AFF2: variants seen among roughly 807,000 people sequenced by gnomAD.
AFF2 encodes ALF transcription elongation factor 2.
Under a neutral mutation model 76.9 loss-of-function variants are expected in AFF2, and 14 were observed. The ratio of observed to expected loss-of-function variants is 0.18; its 90% confidence interval spans 0.12 to 0.28. The LOEUF (loss-of-function observed/expected upper bound fraction) is 0.28, where lower values mean the gene tolerates loss of function less well. Among genes scored for constraint, AFF2 ranks in the 10% least tolerant of loss-of-function variants. The probability of loss-of-function intolerance (pLI) is 1.00; values close to 1 mark genes in which losing one functional copy is unlikely to be tolerated. For synonymous variants in AFF2, 398 were observed against 366.7 expected, an observed-to-expected ratio of 1.09 and a Z score of -0.98; for missense variants, 868 against 1,001.1, an observed-to-expected ratio of 0.87 and a Z score of 1.79.
intron 15 of AFF2, among the ~76,000 whole-genome samples, chrX:148,971,548 C>T (rs1382832116): frequency 9.6e-6 from 1 of 104,229 alleles, no homozygotes; most frequent in African/African-American, 3.6e-5. Context: ...CTGGAGGGGA[C>T]AGACCCTTAG....
At chrX:148,602,798 G>T (rs2053638415) in intron 1 of AFF2, among the ~76,000 whole-genome samples, 1 of 98,830 alleles carries the variant, frequency 1.0e-5, no homozygotes, top group Non-Finnish European at 2.0e-5. Flanking sequence ...TCTGTAAAAG[G>T]TGAATAATAG....
chrX:148,810,021 T>C, intron 4 of AFF2, 101 bp downstream of exon 4: 1 of 819,276 alleles, frequency 1.2e-6, no homozygotes, highest in Non-Finnish European at 1.8e-6. Context: ...AGTTTCATGA[T>C]GGGGAATCCT....
chrX:148,835,360 G>GA (rs1557273672), intron 4 of AFF2, among the ~76,000 whole-genome samples: 1 of 110,393 alleles, frequency 9.1e-6, no homozygotes. Context: ...TTTATTTTGA[G>GA]AAAAAAATTA....
intron 1 of AFF2, among the ~76,000 whole-genome samples, chrX:148,572,913 A>G (rs2053246695): frequency 9.0e-6 from 1 of 111,186 alleles, no homozygotes; most frequent in South Asian, 3.7e-4. Flanking sequence ...TCTATGAATT[A>G]TATCTCAGGA....
Position 148,991,750 on chromosome X carries a change from T to C in AFF2, c.*418T>C, listed in dbSNP as rs782475112. 6.2e-5 allele frequency: 7 copies of C among 113,666 alleles called. No homozygotes were observed. The highest frequency in any genetic ancestry group is 1.6e-4 in the African/African-American group (5 of 30,915). The allele number at this position is 113,666 out of a possible 1,213,427, so 9.4% of individuals were successfully genotyped here. On this transcript the variant is annotated 3_prime_UTR_variant, in exon 21 of 21. Coordinates refer to ENST00000370460, the MANE Select transcript of AFF2 (RefSeq NM_002025.4). ...ACACAAGGGACCATCCCCCAAACTCTACTCTTATACCCAGAAAAGAACATA... is the reference window on the plus strand; with the variant it reads ...ACACAAGGGACCATCCCCCAAACTCCACTCTTATACCCAGAAAAGAACATA...
At chrX:148,943,613 A>T (rs1557285845) in intron 9 of AFF2, among the ~76,000 whole-genome samples, 1 of 111,665 alleles carries the variant, frequency 9.0e-6, no homozygotes, top group African/African-American at 3.3e-5. Flanking sequence ...TTGCTTGAAA[A>T]CTATCAAGTG....
intron 6 of AFF2, 127 bp downstream of exon 6, chrX:148,843,129 G>T: frequency 1.8e-6 from 1 of 565,258 alleles, no homozygotes; most frequent in South Asian, 4.2e-5. Context: ...TATTTTAATT[G>T]TTAATTTTTA....
At chrX:148,708,320 C>G (rs2054911654) in intron 3 of AFF2, among the ~76,000 whole-genome samples, 1 of 111,692 alleles carries the variant, frequency 9.0e-6, no homozygotes, top group Non-Finnish European at 1.9e-5. Context: ...TTTAAGCTGC[C>G]TCCTGTCACT....
Position 148,715,839 on chromosome X carries a change from T to C in AFF2, c.1041+53071T>C, listed in dbSNP as rs1343890239. On this transcript the variant is annotated intron_variant, in intron 3 of 20. Transcript: ENST00000370460. ...ACAGGAAATGATGATCCCATACATT[T>C]AAAATGTTTTAATTACTCAAGGAAT... Among the ~76,000 whole-genome samples, 3 of 111,695 alleles carry C rather than the reference T, an allele frequency of 2.7e-5. No individual in the cohort carries two copies. The East Asian group carries it at 8.5e-4, about 32-fold the overall frequency.
chrX:148,736,611 C>A (rs1467619596), intron 3 of AFF2, among the ~76,000 whole-genome samples: 3 of 111,607 alleles, frequency 2.7e-5, no homozygotes, highest in Non-Finnish European at 5.7e-5. Context: ...CAAAAGCTCT[C>A]TAGTTTAATT....
intron 1 of AFF2, among the ~76,000 whole-genome samples, chrX:148,581,151 A>G (rs371999192): frequency 5.4e-4 from 27 of 50,423 alleles, no homozygotes; most frequent in Admixed American, 2.0e-3. Context: ...ACACATATAC[A>G]TATACGTATA....
At chrX:148,859,207 C>T (rs2070819287) in intron 7 of AFF2, among the ~76,000 whole-genome samples, 1 of 105,158 alleles carries the variant, frequency 9.5e-6, no homozygotes, top group Non-Finnish European at 2.0e-5. Flanking sequence ...AGGTAGTTTC[C>T]TATCACATTT....
chrX:148,965,050 G>T (rs2072155392), intron 13 of AFF2, among the ~76,000 whole-genome samples: 1 of 112,400 alleles, frequency 8.9e-6, no homozygotes. Flanking sequence ...GCCAGCAAAG[G>T]AGCTTCAGCC....
intron 9 of AFF2, 82 bp downstream of exon 9, chrX:148,904,340 C>T (rs2071386317): frequency 1.6e-6 from 1 of 610,534 alleles, no homozygotes; most frequent in Admixed American, 3.1e-5. Flanking sequence ...TAAAAGAGAC[C>T]TTGGATTTTG....
At chrX:148,553,387 A>G (rs2053016712) in intron 1 of AFF2, among the ~76,000 whole-genome samples, 1 of 112,409 alleles carries the variant, frequency 8.9e-6, no homozygotes, top group Non-Finnish European at 1.9e-5. Context: ...ATTTCAACAC[A>G]TAATTAACAT....
intron 3 of AFF2, among the ~76,000 whole-genome samples, chrX:148,774,753 G>A (rs149191024): frequency 2.5e-4 from 28 of 112,015 alleles, no homozygotes; most frequent in Middle Eastern, 4.6e-3. Flanking sequence ...AGATCAGTAC[G>A]TAGGGACTGC....
chrX:148,681,399 C>T (rs1557259918), intron 3 of AFF2, among the ~76,000 whole-genome samples: 1 of 110,747 alleles, frequency 9.0e-6, no homozygotes. Context: ...TAGAATAATC[C>T]TCAACATGCA....
intron 1 of AFF2, among the ~76,000 whole-genome samples, chrX:148,535,817 G>A (rs1281882600): frequency 9.0e-6 from 1 of 111,199 alleles, no homozygotes; most frequent in Non-Finnish European, 1.9e-5. Context: ...TTTTATGATG[G>A]TGTGACTCAG....
At chrX:148,626,989 G>T (rs1287289079) in intron 1 of AFF2, among the ~76,000 whole-genome samples, 1 of 111,125 alleles carries the variant, frequency 9.0e-6, no homozygotes, top group Non-Finnish European at 1.9e-5. Flanking sequence ...GCAGGAGATT[G>T]CTTGAGGCCA....
Sources: allele counts gnomAD v4.1 joint callset (sites outside exome capture counted in the v4.1 genomes callset), GRCh38; gene constraint gnomAD v4.1.1; transcripts MANE v1.5; gene names NCBI Gene and HGNC (gene_info 2026-07-23, HGNC 2026-07-21).